Variants in PKP4 observed in about 807,000 individuals in gnomAD.
PKP4 encodes plakophilin-4.
A neutral mutation model predicts 145.1 loss-of-function variants in PKP4; 90 were observed. That is an observed-to-expected ratio of 0.62 (90% confidence interval 0.52 to 0.74). The LOEUF (loss-of-function observed/expected upper bound fraction) is 0.74, where lower values mean the gene tolerates loss of function less well. PKP4 is among the 30% of genes least tolerant of loss of function. PKP4 has a pLI of 0.00. For missense variants in PKP4, 1,340 were observed against 1,482.7 expected (o/e 0.90, Z 1.58); for synonymous variants, 563 against 577.2 (o/e 0.98, Z 0.35).
chr2:158,613,734 T>A (rs2051338848), intron 4 of PKP4, among the ~76,000 whole-genome samples: 1 of 152,184 alleles, frequency 6.6e-6, no homozygotes, highest in Admixed American at 6.5e-5. Context: ...CCCTGAAAGT[T>A]GTAATGTGAA....
In PKP4 at chr2:158,596,636, AAAAAG is replaced by A. The variant is rs539986796; in HGVS notation, c.246-6426_246-6422del. Among the ~76,000 whole-genome samples the A allele has an allele frequency of 3.0e-3, 453 of 151,972 alleles. 2 individuals carry two copies. Among genetic ancestry groups the A allele is most frequent in the Middle Eastern group, 6.8e-3 (2 of 294 alleles). ...TGAGACCTTGTCTCTTTAAAAAAAA[AAAAAG>A]AAAAGAATATTGTAATATTGTAAAA... On this transcript the variant is annotated intron_variant, in intron 3 of 21. Coordinates refer to ENST00000389759, the MANE Select transcript of PKP4 (RefSeq NM_003628.6).
intron 2 of PKP4, among the ~76,000 whole-genome samples, chr2:158,542,001 C>G (rs962727139): frequency 2.0e-5 from 3 of 152,144 alleles, no homozygotes; most frequent in Admixed American, 6.6e-5. Flanking sequence ...TTCAGAAATG[C>G]CTTTCCATCA....
At chr2:158,670,639 G>A (rs1322012154) in intron 17 of PKP4, among the ~76,000 whole-genome samples, 1 of 152,202 alleles carries the variant, frequency 6.6e-6, no homozygotes, top group Non-Finnish European at 1.5e-5. Flanking sequence ...CCAGGCCTGA[G>A]TGCCTGTTCT....
intron 1 of PKP4, among the ~76,000 whole-genome samples, chr2:158,468,770 C>CTTTTTTTTTTTTTTTTTTTTTTTT (rs58577988): frequency 9.1e-6 from 1 of 109,968 alleles, no homozygotes; most frequent in Non-Finnish European, 1.8e-5. Context: ...TCTTCTTCTT[C>CTTTTTTTTTTTTTTTTTTTTTTTT]TTTTTTTTTT....
chr2:158,620,353 G>C (rs994155639), intron 4 of PKP4, among the ~76,000 whole-genome samples: 12 of 152,056 alleles, frequency 7.9e-5, no homozygotes, highest in Non-Finnish European at 1.8e-4. Flanking sequence ...AAATGGTACT[G>C]TTAAATTAAA....
chr2:158,666,343 T>G (rs1186948382), intron 15 of PKP4, 70 bp from the exon 16 acceptor site: 1 of 1,266,636 alleles, frequency 7.9e-7, no homozygotes, highest in East Asian at 2.7e-5. Flanking sequence ...AAACATCTTT[T>G]TTAGGTGACA....
Position 158,662,802 on chromosome 2 carries a change from T to A in PKP4, c.2212-95T>A, listed in dbSNP as rs1029831742. 2.9e-5 allele frequency: 26 copies of A among 887,146 alleles called. No homozygotes were observed. In the African/African-American group the frequency reaches 4.0e-4, roughly 14 times the overall value. 55.0% of individuals were successfully genotyped at this position (887,146 alleles called of 1,614,324 possible). ...ATAAATAAAAAGTAGTTCTTTCATATTTCCCATTTATTTCCTGTCTGTAGT... is the reference window on the plus strand; with the variant it reads ...ATAAATAAAAAGTAGTTCTTTCATAATTCCCATTTATTTCCTGTCTGTAGT... On this transcript the variant is annotated intron_variant, in intron 13 of 21. Coordinates refer to ENST00000389759, the MANE Select transcript of PKP4 (RefSeq NM_003628.6).
intron 2 of PKP4, among the ~76,000 whole-genome samples, chr2:158,539,226 A>C (rs1321611805): frequency 6.6e-6 from 1 of 152,168 alleles, no homozygotes; most frequent in Non-Finnish European, 1.5e-5. Flanking sequence ...AAAATAAGAA[A>C]ATCTGAAGCC....
At chr2:158,473,074 T>G (rs1230232809) in intron 1 of PKP4, among the ~76,000 whole-genome samples, 1 of 152,180 alleles carries the variant, frequency 6.6e-6, no homozygotes, top group Non-Finnish European at 1.5e-5. Flanking sequence ...GTATCACTGA[T>G]CATTAGACAA....
intron 3 of PKP4, among the ~76,000 whole-genome samples, chr2:158,591,393 G>A (rs2049267200): frequency 6.6e-6 from 1 of 151,996 alleles, no homozygotes; most frequent in Admixed American, 6.6e-5. Context: ...TATTACTGAA[G>A]TAATAAGATG....
intron 3 of PKP4, among the ~76,000 whole-genome samples, chr2:158,602,748 T>C (rs975040298): frequency 6.6e-6 from 1 of 152,216 alleles, no homozygotes; most frequent in African/African-American, 2.4e-5. Context: ...ATGATACGTA[T>C]GTGGTTTTCA....
intron 16 of PKP4, chr2:158,669,132 C>T (rs543262558): frequency 6.6e-6 from 1 of 152,272 alleles, no homozygotes; most frequent in South Asian, 2.1e-4. Flanking sequence ...AGAACTTTTA[C>T]TTGTGTCATC....
chr2:158,510,573 G>C (rs1004681102), intron 1 of PKP4, among the ~76,000 whole-genome samples: 4 of 152,230 alleles, frequency 2.6e-5, no homozygotes, highest in African/African-American at 4.8e-5. Flanking sequence ...TGAGGCACTT[G>C]CAAAGTGCCT....
chr2:158,463,302 G>A (rs761470276), intron 1 of PKP4, among the ~76,000 whole-genome samples: 1 of 151,580 alleles, frequency 6.6e-6, no homozygotes, highest in African/African-American at 2.4e-5. Context: ...TTGCTAGTCA[G>A]TACATGAATA....
rs1426731376 is a variant in PKP4, at chr2:158,533,165, C to T, written c.-5-15C>T. On this transcript the variant is annotated splice_polypyrimidine_tract_variant and intron_variant, in intron 1 of 21. Coordinates refer to ENST00000389759, the MANE Select transcript of PKP4 (RefSeq NM_003628.6). ...CCCAGAAGAAAGTGTTAACCCTTTG[C>T]CTGCTTGATTGCAGGAGGAATGCCA... 1 of 1,603,046 alleles carries T rather than the reference C, an allele frequency of 6.2e-7. No homozygotes were observed. The highest frequency in any genetic ancestry group is 1.7e-5 in the Admixed American group (1 of 58,612).
At chr2:158,470,695 G>C (rs557957835) in intron 1 of PKP4, among the ~76,000 whole-genome samples, 9 of 152,350 alleles carry the variant, frequency 5.9e-5, no homozygotes, top group African/African-American at 1.9e-4. Context: ...GAAGAACTGA[G>C]TTAAAAATGT....
rs1368929049 is a variant in PKP4 at position 158,625,966 on chromosome 2, T to A, written c.1153+539T>A. On this transcript the variant is annotated intron_variant, in intron 7 of 21. Transcript: ENST00000389759. Reference sequence around the variant, plus strand: ...ATGAATCACTTTTACATGCCACTCCTATTAAAGCAGAAAGACACCGGGTCC... The same window carrying A: ...ATGAATCACTTTTACATGCCACTCCAATTAAAGCAGAAAGACACCGGGTCC... Among the ~76,000 whole-genome samples the A allele has an allele frequency of 2.6e-5, 4 of 152,312 alleles. No homozygotes were observed. In the East Asian group the frequency reaches 7.7e-4, roughly 29 times the overall value.
rs933286393 is a variant in PKP4 at position 158,546,543 on chromosome 2, G to C, written c.132+13227G>C. 2.0e-5 allele frequency among the ~76,000 whole-genome samples: 3 copies of C among 152,316 alleles called. No individual in the cohort carries two copies. In the East Asian group the frequency reaches 5.8e-4, roughly 29 times the overall value. ...CGTGAAATTTTGGTTGAGAGAAGTA[G>C]CACCATAGGGCATGAGCCAAAAAAT... On this transcript the variant is annotated intron_variant, in intron 2 of 21. Coordinates refer to ENST00000389759, the MANE Select transcript of PKP4 (RefSeq NM_003628.6).
In PKP4 at chr2:158,675,904, A is replaced by G. The variant is rs116585003; in HGVS notation, c.3128-835A>G. 3.1e-3 allele frequency among the ~76,000 whole-genome samples: 479 copies of G among 152,318 alleles called. 2 individuals are homozygous for G. The highest frequency in any genetic ancestry group is 0.011 in the African/African-American group (450 of 41,566). ...TGTTGCTTTCGAGTGTATCAAGTGA[A>G]TAAGTGGCCACTCTTATTTGAAATT... On this transcript the variant is annotated intron_variant, in intron 19 of 21. Coordinates refer to ENST00000389759, the MANE Select transcript of PKP4 (RefSeq NM_003628.6).
Sources: allele counts gnomAD v4.1 joint callset (sites outside exome capture counted in the v4.1 genomes callset), GRCh38; gene constraint gnomAD v4.1.1; transcripts MANE v1.5; gene names NCBI Gene and HGNC (gene_info 2026-07-23, HGNC 2026-07-21).